The following CTNNA2 variants were observed in gnomAD, a reference collection of about 807,000 sequenced individuals.
The protein encoded by CTNNA2 is catenin alpha-2.
Under a neutral mutation model 101.0 loss-of-function variants are expected in CTNNA2, and 42 were observed. The observed-to-expected ratio is 0.42, with a 90% CI of 0.32 to 0.54. CTNNA2 has a LOEUF of 0.54. CTNNA2 is among the 20% of genes least tolerant of loss of function. The pLI is 0.14. For synonymous variants in CTNNA2, 450 were observed against 456.4 expected (o/e 0.99, Z 0.18); for missense variants, 871 against 1,223.1 (o/e 0.71, Z 4.29).
intron 4 of CTNNA2, among the ~76,000 whole-genome samples, chr2:79,859,811 T>C (rs1215950059): frequency 6.6e-6 from 1 of 152,048 alleles, no homozygotes; most frequent in Non-Finnish European, 1.5e-5. Flanking sequence ...GTAACTGGGT[T>C]TCATCTTGGT....
upstream of CTNNA2, among the ~76,000 whole-genome samples, chr2:79,511,587 G>A (rs1026599134): frequency 2.6e-5 from 4 of 152,076 alleles, no homozygotes; most frequent in Non-Finnish European, 5.9e-5. Context: ...GGTGACTCCT[G>A]TTCACTTTTT....
intron 2 of CTNNA2, among the ~76,000 whole-genome samples, chr2:79,200,741 A>T: frequency 6.6e-6 from 1 of 152,210 alleles, no homozygotes; most frequent in East Asian, 1.9e-4. Flanking sequence ...AGGCCTTTTA[A>T]TACAAACACA....
At chr2:80,310,322 T>A (rs1229374310) in intron 7 of CTNNA2, among the ~76,000 whole-genome samples, 1 of 152,146 alleles carries the variant, frequency 6.6e-6, no homozygotes, top group Admixed American at 6.5e-5. Flanking sequence ...GCTCTTAAAG[T>A]TTGATTTTGT....
chr2:79,789,179 T>C (rs1378336988), intron 3 of CTNNA2, among the ~76,000 whole-genome samples: 1 of 152,156 alleles, frequency 6.6e-6, no homozygotes, highest in East Asian at 1.9e-4. Flanking sequence ...GTCAAACCTG[T>C]GTGAGTCAGG....
Position 79,320,465 on chromosome 2 carries a change from T to C in CTNNA2, c.-318+7669T>C, listed in dbSNP as rs139873377. Among the ~76,000 whole-genome samples the C allele has an allele frequency of 7.7e-3, 1,175 of 152,220 alleles. 12 individuals carry two copies. Among genetic ancestry groups the C allele is most frequent in the African/African-American group, 0.027 (1,102 of 41,538 alleles). The stretch of plus-strand genomic sequence containing the variant: ...ACCAACCTAGGCACAGGGCGTATTA[T>C]AGCTTCTTCCTAGTACTTAATGATG... On this transcript the variant is annotated intron_variant, in intron 3 of 21. Transcript: ENST00000466387.
intron 4 of CTNNA2, among the ~76,000 whole-genome samples, chr2:79,374,535 T>C (rs1332901172): frequency 6.6e-6 from 1 of 151,976 alleles, no homozygotes; most frequent in South Asian, 2.1e-4. Flanking sequence ...TCTATTGTGC[T>C]TCTTCGGTTT....
intron 9 of CTNNA2, among the ~76,000 whole-genome samples, chr2:80,473,907 C>T (rs1344685241): frequency 6.6e-6 from 1 of 152,148 alleles, no homozygotes; most frequent in Non-Finnish European, 1.5e-5. Flanking sequence ...CTTGAGCTAA[C>T]ATTAAAAATC....
At chr2:80,488,817 A>G (rs187980295) in intron 9 of CTNNA2, among the ~76,000 whole-genome samples, 1 of 152,348 alleles carries the variant, frequency 6.6e-6, no homozygotes, top group African/African-American at 2.4e-5. Context: ...AGAATAAATC[A>G]ACCATTAAAT....
intron 9 of CTNNA2, among the ~76,000 whole-genome samples, chr2:80,508,923 ATTC>A (rs1559167617): frequency 1.3e-5 from 2 of 152,056 alleles, no homozygotes; most frequent in Admixed American, 6.6e-5. Flanking sequence ...TCCTCATTTT[ATTC>A]TTCTTCTTTT....
intron 4 of CTNNA2, among the ~76,000 whole-genome samples, chr2:79,863,378 G>T (rs1681777597): frequency 6.6e-6 from 1 of 152,116 alleles, no homozygotes; most frequent in Non-Finnish European, 1.5e-5. Flanking sequence ...GGGAGAGGGA[G>T]GTCTCAAGAT....
intron 7 of CTNNA2, among the ~76,000 whole-genome samples, chr2:80,241,584 A>G (rs1045187985): frequency 9.5e-6 from 1 of 105,626 alleles, no homozygotes; most frequent in Admixed American, 1.1e-4. Context: ...CAATGCATCT[A>G]TTATATCTAT....
intron 7 of CTNNA2, among the ~76,000 whole-genome samples, chr2:80,343,407 TA>T (rs3040539): frequency 0.052 from 6,157 of 117,414 alleles, 136 homozygotes; most frequent in Middle Eastern, 0.09. Context: ...TGACTTTTGA[TA>T]AAAAAAAAAA....
chr2:79,221,994 G>A (rs1674351389), intron 2 of CTNNA2, among the ~76,000 whole-genome samples: 3 of 152,094 alleles, frequency 2.0e-5, no homozygotes, highest in Admixed American at 1.3e-4. Flanking sequence ...TCTGTGTCCA[G>A]AGATTAAATG....
chr2:79,240,490 G>A (rs1371484452), intron 2 of CTNNA2, among the ~76,000 whole-genome samples: 1 of 152,074 alleles, frequency 6.6e-6, no homozygotes, highest in Non-Finnish European at 1.5e-5. Flanking sequence ...TTCTATTCCT[G>A]TGTTTGCTTA....
At chr2:80,190,317 G>A (rs575678491) in intron 7 of CTNNA2, among the ~76,000 whole-genome samples, 1 of 152,192 alleles carries the variant, frequency 6.6e-6, no homozygotes, top group Non-Finnish European at 1.5e-5. Context: ...AGTGGTGGCA[G>A]GCTGGACCAG....
rs766388606 is a variant in CTNNA2 at position 80,303,289 on chromosome 2, G to C, written c.1057-89922G>C. ...TGCGGCAGTCCTGGAAGATGCGCAC[G>C]GGCACAAACTGGATGGCGTTGGCCC... On this transcript the variant is annotated intron_variant, in intron 7 of 18. Transcript: ENST00000402739. This position sits in a 1 kb window ranked among gnomAD's most constrained non-coding sequence, Gnocchi z 7.7. 4.5e-5 allele frequency: 73 copies of C among 1,613,442 alleles called. No individual in the cohort carries two copies. Among genetic ancestry groups the C allele is most frequent in the Admixed American group, 8.3e-5 (5 of 60,004 alleles).
chr2:79,620,236 TC>T (rs1678907451), intron 1 of CTNNA2, among the ~76,000 whole-genome samples: 1 of 152,178 alleles, frequency 6.6e-6, no homozygotes, highest in Non-Finnish European at 1.5e-5. Context: ...CCACCAGCTC[TC>T]CAACTGCCCT....
intron 7 of CTNNA2, among the ~76,000 whole-genome samples, chr2:80,351,350 T>C (rs955981062): frequency 6.6e-6 from 1 of 152,004 alleles, no homozygotes; most frequent in Non-Finnish European, 1.5e-5. Context: ...AAGAACTCCA[T>C]GCCTCCAACA....
At chr2:79,220,454 A>G (rs1674327727) in intron 2 of CTNNA2, among the ~76,000 whole-genome samples, 1 of 152,182 alleles carries the variant, frequency 6.6e-6, no homozygotes, top group Non-Finnish European at 1.5e-5. Flanking sequence ...GAGCAGCTCC[A>G]GGAAGCCTCA....
Sources: gnomAD v4.1 joint callset for allele counts (sites outside exome capture counted in the v4.1 genomes callset) on GRCh38, gnomAD v4.1.1 for gene constraint, Gnocchi (gnomAD v3.1) non-coding constraint, MANE v1.5 for transcripts, NCBI Gene and HGNC (gene_info 2026-07-23, HGNC 2026-07-21) for gene names.